Variants in UNC13C observed in about 807,000 individuals in gnomAD.
The protein encoded by UNC13C is protein unc-13 homolog C.
In UNC13C, 174 loss-of-function variants were observed where a neutral mutation model predicts 245.4. That is an observed-to-expected ratio of 0.71 (90% CI 0.63 to 0.80). UNC13C has a LOEUF of 0.80. UNC13C is among the 30% of genes least tolerant of loss of function. UNC13C has a pLI of 0.00. For synonymous variants in UNC13C, 992 were observed against 895.1 expected (o/e 1.11, Z -1.93); for missense variants, 2,829 against 2,602.9 (o/e 1.09, Z -1.89).
At chr15:54,425,102 G>C (rs2040732734) in intron 19 of UNC13C, among the ~76,000 whole-genome samples, 1 of 151,828 alleles carries the variant, frequency 6.6e-6, no homozygotes, top group Admixed American at 6.6e-5. Context: ...ATGTGAAAGA[G>C]TATGAGTGAC....
At chr15:54,405,884 G>A (rs77767622) in intron 18 of UNC13C, among the ~76,000 whole-genome samples, 5,079 of 152,192 alleles carry the variant, frequency 0.033, 247 homozygotes, top group African/African-American at 0.1. Context: ...AAAATGGTTT[G>A]AATAGTATGG....
intron 2 of UNC13C, among the ~76,000 whole-genome samples, chr15:54,036,836 C>A (rs1896595691): frequency 6.6e-6 from 1 of 152,158 alleles, no homozygotes; most frequent in Non-Finnish European, 1.5e-5. Flanking sequence ...GTTCTTTTGC[C>A]TCTGAATTTC....
chr15:54,542,195 T>G (rs933831459), intron 26 of UNC13C, among the ~76,000 whole-genome samples: 18 of 152,194 alleles, frequency 1.2e-4, no homozygotes, highest in Non-Finnish European at 1.5e-5. Flanking sequence ...TTGTGTGCTT[T>G]AAAAGTTATT....
chr15:53,853,918 C>A, the UNC13C span, among the ~76,000 whole-genome samples: 1 of 152,010 alleles, frequency 6.6e-6, no homozygotes, highest in Non-Finnish European at 1.5e-5. Flanking sequence ...GGATAGATTG[C>A]AAAAATGTTC....
In UNC13C at chr15:54,498,230, A is replaced by T. The variant is rs926531208; in HGVS notation, c.5061-1849A>T. 6.7e-4 allele frequency among the ~76,000 whole-genome samples: 102 copies of T among 152,080 alleles called. 3 individuals carry two copies. The highest frequency in any genetic ancestry group is 1.5e-5 in the Non-Finnish European group (1 of 67,986). On this transcript the variant is annotated intron_variant, in intron 20 of 32. Coordinates refer to ENST00000260323, the MANE Select transcript of UNC13C (RefSeq NM_001080534.3). ...TAAAATTTATAAACAAAAACAATAA[A>T]ATACATATTGTTATTAGGAACACAT...
chr15:54,117,863 G>A (rs1309442585), intron 2 of UNC13C, among the ~76,000 whole-genome samples: 4 of 152,076 alleles, frequency 2.6e-5, no homozygotes, highest in African/African-American at 7.2e-5. Flanking sequence ...TTACAAACAT[G>A]TACTACCACG....
intron 30 of UNC13C, among the ~76,000 whole-genome samples, chr15:54,578,234 C>G (rs939496880): frequency 1.3e-5 from 2 of 152,200 alleles, no homozygotes; most frequent in Admixed American, 6.5e-5. Context: ...GAAATTATCA[C>G]TTTTAATGTA....
At chr15:54,465,864 G>T (rs566433614) in intron 19 of UNC13C, among the ~76,000 whole-genome samples, 16 of 151,956 alleles carry the variant, frequency 1.1e-4, no homozygotes, top group Admixed American at 7.2e-4. Context: ...GTTATTTTCC[G>T]CTAAAGCCTG....
intron 2 of UNC13C, among the ~76,000 whole-genome samples, chr15:54,115,155 T>A (rs900525818): frequency 6.6e-6 from 1 of 152,124 alleles, no homozygotes; most frequent in African/African-American, 2.4e-5. Flanking sequence ...TTATCCTTCA[T>A]GACTTATGCT....
At chr15:54,139,376 T>C (rs2141230081) in intron 2 of UNC13C, among the ~76,000 whole-genome samples, 1 of 152,244 alleles carries the variant, frequency 6.6e-6, no homozygotes, top group African/African-American at 2.4e-5. Context: ...CAAGGCCACA[T>C]TGTGATGTAC....
intron 22 of UNC13C, among the ~76,000 whole-genome samples, chr15:54,505,814 A>T (rs1894449071): frequency 7.0e-6 from 1 of 141,980 alleles, no homozygotes; most frequent in Admixed American, 7.6e-5. Context: ...ATGACTGTGC[A>T]CTTTGTCTTA....
At chr15:53,856,624 G>T in the UNC13C span, among the ~76,000 whole-genome samples, 2 of 152,078 alleles carry the variant, frequency 1.3e-5, no homozygotes, top group Non-Finnish European at 2.9e-5. Flanking sequence ...TCTTAATCTT[G>T]AGTTCTAGTT....
chr15:54,208,988 G>T (rs1056878050), intron 4 of UNC13C, among the ~76,000 whole-genome samples: 3 of 152,074 alleles, frequency 2.0e-5, no homozygotes, highest in Non-Finnish European at 4.4e-5. Context: ...CAAGTCCATG[G>T]CTAACAAACC....
chr15:54,416,862 AT>A (rs760249075), intron 19 of UNC13C: 34 of 455,698 alleles, frequency 7.5e-5, no homozygotes, highest in Non-Finnish European at 1.4e-4. Flanking sequence ...GTTATCATTG[AT>A]TCCTTTATTG....
At chr15:54,317,311 A>G (rs545259405) in intron 13 of UNC13C, among the ~76,000 whole-genome samples, 71 of 152,034 alleles carry the variant, frequency 4.7e-4, no homozygotes, top group African/African-American at 1.6e-3. Context: ...TCAAGACTAC[A>G]CTTATTTACA....
intron 28 of UNC13C, among the ~76,000 whole-genome samples, chr15:54,554,012 AT>A (rs1896987327): frequency 6.6e-6 from 1 of 152,018 alleles, no homozygotes; most frequent in African/African-American, 2.4e-5. Flanking sequence ...AAATCCCCGT[AT>A]CAGAGAAAGA....
chr15:54,237,990 C>T (rs1205649849), intron 7 of UNC13C, among the ~76,000 whole-genome samples: 2 of 151,786 alleles, frequency 1.3e-5, no homozygotes, highest in Non-Finnish European at 2.9e-5. Context: ...TTAAGTTTTG[C>T]CTCTTTTACG....
chr15:54,177,963 TCA>T (rs1567071582), intron 4 of UNC13C, among the ~76,000 whole-genome samples: 2 of 152,160 alleles, frequency 1.3e-5, no homozygotes, highest in African/African-American at 4.8e-5. Context: ...CTGCCTATGA[TCA>T]CACAGGAATT....
In UNC13C at chr15:54,321,237, A is replaced by G. The variant is rs534419546; in HGVS notation, c.4269-702A>G. The G allele has an allele frequency of 3.3e-5, 16 of 487,838 alleles. No homozygotes were observed. The East Asian group carries it at 4.3e-4, about 13-fold the overall frequency. 30.2% of individuals were successfully genotyped at this position (487,838 alleles called of 1,614,324 possible). On this transcript the variant is annotated intron_variant, in intron 13 of 32. Coordinates refer to ENST00000260323, the MANE Select transcript of UNC13C (RefSeq NM_001080534.3). Reference sequence around the variant, plus strand: ...AGCCATGGTCATCAAAGGTTACACAAGCAAGACCCCTTTTCTTGCCACTGC... The same window carrying G: ...AGCCATGGTCATCAAAGGTTACACAGGCAAGACCCCTTTTCTTGCCACTGC...
Sources: allele counts gnomAD v4.1 joint callset (sites outside exome capture counted in the v4.1 genomes callset), GRCh38; gene constraint gnomAD v4.1.1; transcripts MANE v1.5; gene names NCBI Gene and HGNC (gene_info 2026-07-23, HGNC 2026-07-21).